C10orf90: variants seen among roughly 807,000 people sequenced by gnomAD.
The protein encoded by C10orf90 is chromosome 10 open reading frame 90.
A neutral mutation model predicts 62.5 loss-of-function variants in C10orf90; 56 were observed. The ratio of observed to expected loss-of-function variants is 0.90; its 90% CI spans 0.72 to 1.12. The LOEUF is 1.12. Ranked by LOEUF, C10orf90 falls within the 50% of genes most tolerant of loss-of-function variation. The pLI is 0.00. For missense variants in C10orf90, 970 were observed against 880.4 expected, an observed-to-expected ratio of 1.10 and a Z score of -1.29; for synonymous variants, 386 against 340.4, an observed-to-expected ratio of 1.13 and a Z score of -1.47.
intron 2 of C10orf90, among the ~76,000 whole-genome samples, chr10:126,589,359 C>A (rs1343626936): frequency 6.6e-6 from 1 of 151,936 alleles, no homozygotes; most frequent in East Asian, 1.9e-4. Context: ...TCCAGACAAC[C>A]CCACTAAGAT....
chr10:126,652,661 G>A (rs1408425321), intron 1 of C10orf90, among the ~76,000 whole-genome samples: 1 of 152,152 alleles, frequency 6.6e-6, no homozygotes, highest in Non-Finnish European at 1.5e-5. Context: ...GAGCAGCAAG[G>A]ATGAAGCACT....
At chr10:126,427,957 A>G (rs886530238) in intron 8 of C10orf90, among the ~76,000 whole-genome samples, 33 of 152,286 alleles carry the variant, frequency 2.2e-4, no homozygotes, top group South Asian at 4.1e-4. Flanking sequence ...GTATAAAATA[A>G]AGGCTCCTAG....
At chr10:126,481,335 C>A (rs1564822402) in intron 4 of C10orf90, among the ~76,000 whole-genome samples, 2 of 152,362 alleles carry the variant, frequency 1.3e-5, no homozygotes, top group South Asian at 2.1e-4. Flanking sequence ...AGCTCCATGT[C>A]AGCAAGGACC....
In C10orf90 at chr10:126,603,051, C is replaced by T. The variant is rs149784418; in HGVS notation, c.313+43514G>A. On this transcript the variant is annotated intron_variant, in intron 2 of 9. Transcript: ENST00000488181. Reference sequence around the variant, plus strand: ...GGAGGAGAGAGGGAGTGGACAGGTGCGGTGGGGGAGGGGATGATGCCTTGC... The same window carrying T: ...GGAGGAGAGAGGGAGTGGACAGGTGTGGTGGGGGAGGGGATGATGCCTTGC... Among the ~76,000 whole-genome samples the T allele has an allele frequency of 3.7e-3, 562 of 150,268 alleles. 2 individuals are homozygous for T. The highest frequency in any genetic ancestry group is 5.5e-3 in the Non-Finnish European group (370 of 67,658).
chr10:126,483,540 G>A lies in C10orf90; in HGVS notation c.1535-18554C>T, dbSNP rs1484264229. ...TCGAGCTGAGCTTGAAATGATCGGT[G>A]ATATTTTAGCCTAGTCAACATTGTC... On this transcript the variant is annotated intron_variant, in intron 4 of 9. Transcript: ENST00000488181. Among the ~76,000 whole-genome samples the A allele has an allele frequency of 2.0e-5, 3 of 152,180 alleles. No homozygotes were observed. In the East Asian group the frequency reaches 5.8e-4, roughly 29 times the overall value.
At chr10:126,626,326 C>T (rs1040894311) in intron 2 of C10orf90, among the ~76,000 whole-genome samples, 112 of 152,226 alleles carry the variant, frequency 7.4e-4, no homozygotes, top group Middle Eastern at 3.4e-3. Context: ...TTCATTGTGA[C>T]TTGCATCTGT....
chr10:126,625,081 G>A (rs932081518), intron 2 of C10orf90, among the ~76,000 whole-genome samples: 1 of 152,196 alleles, frequency 6.6e-6, no homozygotes, highest in African/African-American at 2.4e-5. Flanking sequence ...GTGCTGAAGA[G>A]AGAGCCTGAT....
intron 2 of C10orf90, among the ~76,000 whole-genome samples, chr10:126,638,968 C>T (rs1326033819): frequency 6.6e-6 from 1 of 152,216 alleles, no homozygotes; most frequent in Non-Finnish European, 1.5e-5. Flanking sequence ...GAAGAGGAGG[C>T]CATTAAAACA....
intron 1 of C10orf90, among the ~76,000 whole-genome samples, chr10:126,654,801 A>C (rs1846360104): frequency 6.6e-6 from 1 of 152,168 alleles, no homozygotes; most frequent in South Asian, 2.1e-4. Context: ...AAAGCAAGAG[A>C]TGTGAACACT....
At chr10:126,500,380 C>A (rs1862306267) in intron 4 of C10orf90, among the ~76,000 whole-genome samples, 1 of 152,112 alleles carries the variant, frequency 6.6e-6, no homozygotes. Flanking sequence ...ATCTTCAAGC[C>A]TCATTTGTGT....
chr10:126,640,518 C>T (rs958461671), intron 2 of C10orf90, among the ~76,000 whole-genome samples: 1 of 152,210 alleles, frequency 6.6e-6, no homozygotes, highest in Non-Finnish European at 1.5e-5. Flanking sequence ...AAATAAGTTC[C>T]CTACACTCAG....
At chr10:126,441,863 C>T (rs924317599) in intron 7 of C10orf90, among the ~76,000 whole-genome samples, 1 of 152,102 alleles carries the variant, frequency 6.6e-6, no homozygotes, top group African/African-American at 2.4e-5. Flanking sequence ...CAAGCCACCA[C>T]TAAAAGAACT....
chr10:126,513,922 G>C lies in C10orf90; in HGVS notation c.331C>G (p.His111Asp), dbSNP rs1427629393. 6.2e-7 allele frequency: 1 copy of C among 1,611,750 alleles called. No homozygotes were observed. The highest frequency in any genetic ancestry group is 8.5e-7 in the Non-Finnish European group (1 of 1,178,848). The change falls in exon 3 of 10, where the codon CAC (histidine) becomes GAC (aspartate). Residue 111 changes from histidine (H) to aspartate (D), a missense_variant. Transcript: ENST00000488181. Reference sequence around the variant, plus strand: ...AGGGCAATTTGATCTCTTCTACTGTGGTAGCTGTCCCGTAATCCTAGGCAA... The same window carrying C: ...AGGGCAATTTGATCTCTTCTACTGTCGTAGCTGTCCCGTAATCCTAGGCAA... ...LSNAGLRDSYHSRRDQIALKN... is the reference protein window; with the variant it reads ...LSNAGLRDSYDSRRDQIALKN...
intron 2 of C10orf90, among the ~76,000 whole-genome samples, chr10:126,639,766 C>G (rs1846023393): frequency 1.3e-5 from 2 of 152,204 alleles, no homozygotes; most frequent in Admixed American, 1.3e-4. Flanking sequence ...TGCAGTTGAG[C>G]TCCTTTCGTA....
chr10:126,428,354 A>G (rs931985908), intron 8 of C10orf90, among the ~76,000 whole-genome samples: 5 of 152,146 alleles, frequency 3.3e-5, no homozygotes, highest in African/African-American at 1.2e-4. Flanking sequence ...CTTTATCTCC[A>G]TTGTTTGCAT....
At chr10:126,608,356 C>T (rs1379189648) in intron 2 of C10orf90, among the ~76,000 whole-genome samples, 1 of 152,180 alleles carries the variant, frequency 6.6e-6, no homozygotes, top group Non-Finnish European at 1.5e-5. Flanking sequence ...AAGCGATCTT[C>T]CCTCCTCAGC....
chr10:126,510,929 A>G (rs753433296), intron 3 of C10orf90, among the ~76,000 whole-genome samples: 2 of 152,248 alleles, frequency 1.3e-5, no homozygotes, highest in Non-Finnish European at 2.9e-5. Flanking sequence ...TATTTCTCCA[A>G]AGAATAAGGC....
rs557613725 is a variant in C10orf90, at chr10:126,667,896, T to C, written c.240+2345A>G. ...TTAGAGTGTGCAGACATCAAGTCTT[T>C]GAAAATATGAACCCAGGGACCTTCA... is the stretch of plus-strand genomic sequence containing the variant. On this transcript the variant is annotated intron_variant, in intron 1 of 9. Transcript: ENST00000488181. 2.0e-5 allele frequency among the ~76,000 whole-genome samples: 3 copies of C among 152,286 alleles called. No individual in the cohort carries two copies. The East Asian group carries it at 5.8e-4, about 29-fold the overall frequency.
chr10:126,588,561 G>A (rs1844919143), intron 2 of C10orf90, among the ~76,000 whole-genome samples: 1 of 152,294 alleles, frequency 6.6e-6, no homozygotes, highest in Admixed American at 6.5e-5. Context: ...CTAGGGTCTG[G>A]AGTGTACCCT....
Sources: allele counts gnomAD v4.1 joint callset (sites outside exome capture counted in the v4.1 genomes callset), GRCh38; gene constraint gnomAD v4.1.1; transcripts MANE v1.5; gene names NCBI Gene and HGNC (gene_info 2026-07-23, HGNC 2026-07-21).